SUPT6H: variants seen among roughly 807,000 people sequenced by gnomAD.
SUPT6H encodes transcription elongation factor SPT6.
SUPT6H carries 11 observed loss-of-function variants against 222.3 expected under a neutral mutation model. That is an observed-to-expected ratio of 0.05 (90% confidence interval 0.03 to 0.08). SUPT6H has a LOEUF of 0.08. Among genes scored for constraint, SUPT6H ranks in the 10% least tolerant of loss-of-function variants. The pLI, the probability that SUPT6H is intolerant of heterozygous loss-of-function variation, is 1.00. For missense variants in SUPT6H, 1,422 were observed against 2,216.0 expected (o/e 0.64, Z 7.19); for synonymous variants, 762 against 801.2 (o/e 0.95, Z 0.83).
chr17:28,678,271 G>A, intron 9 of SUPT6H, 79 bp downstream of exon 9: 10 of 1,309,490 alleles, frequency 7.6e-6, no homozygotes, highest in Middle Eastern at 1.9e-4. Flanking sequence ...CCTAAATGAG[G>A]TGGGAGCCCC....
At chr17:28,697,470 A>G (rs2151663911) in intron 30 of SUPT6H, 150 bp from the exon 31 acceptor site, 1 of 649,220 alleles carries the variant, frequency 1.5e-6, no homozygotes, top group South Asian at 2.0e-5. Flanking sequence ...GTGAGCTAAT[A>G]TATCTGGACA....
intron 11 of SUPT6H, among the ~76,000 whole-genome samples, chr17:28,680,161 C>T (rs1319756390): frequency 6.7e-6 from 1 of 149,916 alleles, no homozygotes; most frequent in Admixed American, 6.7e-5. Context: ...AAAAAATTAG[C>T]TCGGTGTGGT....
At position 28,701,640 on chromosome 17, in the gene SUPT6H, G is replaced by C; in HGVS notation, c.*15G>C. The C allele has an allele frequency of 1.3e-6, 2 of 1,593,974 alleles. No homozygotes were observed. Among genetic ancestry groups the C allele is most frequent in the Non-Finnish European group, 1.7e-6 (2 of 1,166,608 alleles). ...TGGATCGGTAGGGGGCCTGCTCCTC[G>C]GACTCTGGTTACCTCTGAGGCTGGG... On this transcript the variant is annotated 3_prime_UTR_variant, in exon 37 of 37. Transcript: ENST00000314616.
In SUPT6H at chr17:28,686,384, C is replaced by A. The variant is rs2031380311; in HGVS notation, c.2533C>A (p.Pro845Thr). Residue 845 changes from proline (P) to threonine (T), a missense_variant, in exon 20 of 37, where the codon CCT becomes ACT. Pro to Thr is a conservative substitution (Grantham distance 38). Transcript: ENST00000314616. ...TLKKFLLNKK[P>T]HVVTVAGENR... ...AAAGAAATTTCTCCTGAATAAGAAG[C>A]CTCATGTAGTGACAGTTGCAGGAGA... 1 of 1,614,218 alleles carries A rather than the reference C, an allele frequency of 6.2e-7. No individual in the cohort carries two copies. The highest frequency in any genetic ancestry group is 8.5e-7 in the Non-Finnish European group (1 of 1,180,040).
chr17:28,672,212 C>G (rs574152652), intron 1 of SUPT6H, among the ~76,000 whole-genome samples: 1 of 152,294 alleles, frequency 6.6e-6, no homozygotes, highest in South Asian at 2.1e-4. Flanking sequence ...AAAGTTGGCA[C>G]TTATTGTTTC....
intron 9 of SUPT6H, 41 bp downstream of exon 9, chr17:28,678,233 A>G (rs574013846): frequency 4.5e-6 from 7 of 1,547,686 alleles, no homozygotes; most frequent in African/African-American, 4.1e-5. Context: ...TGAGAAATTT[A>G]GTTAGGGGAT....
At chr17:28,675,796 G>T (rs146435426) in intron 6 of SUPT6H, among the ~76,000 whole-genome samples, 1 of 152,096 alleles carries the variant, frequency 6.6e-6, no homozygotes, top group Non-Finnish European at 1.5e-5. Flanking sequence ...ATATATTTTT[G>T]TTGGAAGACA....
At chr17:28,689,333 C>G in intron 24 of SUPT6H, 21 bp from the exon 25 acceptor site, 3 of 1,613,128 alleles carry the variant, frequency 1.9e-6, no homozygotes, top group Non-Finnish European at 2.5e-6. Flanking sequence ...ATATCCTGTT[C>G]CTTTTCTGCC....
chr17:28,671,862 T>C (rs1043210359), intron 1 of SUPT6H, among the ~76,000 whole-genome samples: 2 of 152,204 alleles, frequency 1.3e-5, no homozygotes, highest in African/African-American at 2.4e-5. Context: ...GTTAAGAAAG[T>C]GATATTCAGG....
chr17:28,678,162 C>T lies in SUPT6H; in HGVS notation c.1086C>T (p.Ala362=). 1 of 1,607,754 alleles carries T rather than the reference C, an allele frequency of 6.2e-7. No homozygotes were observed. The highest frequency in any genetic ancestry group is 8.5e-7 in the Non-Finnish European group (1 of 1,178,476). The change falls in exon 9 of 37, where the codon GCC becomes GCT. Residue 362 remains alanine (A), a synonymous_variant. Transcript: ENST00000314616. ...GPSTIQKIKE[A]LGFMRNQHFE... is the part of the protein sequence containing the mutation. ...GCACAATTCAGAAGATCAAAGAGGC[C>T]CTGGGCTTCATGCGAAATCAGCATT...
chr17:28,673,542 A>G (rs369608990), intron 2 of SUPT6H, 32 bp downstream of exon 2: 5 of 1,491,494 alleles, frequency 3.4e-6, no homozygotes, highest in East Asian at 2.3e-5. Context: ...GCTTCTCCCC[A>G]CTATTGCTAA....
chr17:28,690,139 T>C lies in SUPT6H; in HGVS notation c.3400T>C (p.Tyr1134His). ...CATCCGGGCAGAGCTGAGCTGTCGATATAAGGACCTCCGGACAGCCTACCG... is the reference window on the plus strand; with the variant it reads ...CATCCGGGCAGAGCTGAGCTGTCGACATAAGGACCTCCGGACAGCCTACCG... ...YDIRAELSCR[Y>H]KDLRTAYRSP... is the part of the protein sequence containing the mutation. The change falls in exon 26 of 37, where the codon TAT becomes CAT. Residue 1134 changes from tyrosine (Y) to histidine (H), a missense_variant. This residue lies in a region of SUPT6H where 60 missense variants were observed against 96.7 expected (regional missense o/e 0.62). Coordinates refer to ENST00000314616, the MANE Select transcript of SUPT6H (RefSeq NM_003170.5). The C allele has an allele frequency of 1.9e-6, 3 of 1,613,730 alleles. No homozygotes were observed. Among genetic ancestry groups the C allele is most frequent in the South Asian group, 1.1e-5 (1 of 91,058 alleles).
intron 6 of SUPT6H, among the ~76,000 whole-genome samples, chr17:28,675,886 A>G (rs900176617): frequency 6.6e-6 from 1 of 152,240 alleles, no homozygotes; most frequent in African/African-American, 2.4e-5. Flanking sequence ...AGATGGGTCC[A>G]CTGAGCAAGA....
rs1312829905 is a variant in SUPT6H at position 28,697,651 on chromosome 17, G to A, written c.4241G>A (p.Arg1414His). 4 of 1,614,048 alleles carry A rather than the reference G, an allele frequency of 2.5e-6. No homozygotes were observed. The highest frequency in any genetic ancestry group is 1.3e-5 in the African/African-American group (1 of 74,914). Reference protein sequence around the residue: ...EFEDLDEIVARYVQPMASFAR... With the variant: ...EFEDLDEIVAHYVQPMASFAR... ...GAAGATTTGGATGAGATTGTTGCTCGCTATGTCCAGCCCATGGCATCCTTT... is the reference window on the plus strand; with the variant it reads ...GAAGATTTGGATGAGATTGTTGCTCACTATGTCCAGCCCATGGCATCCTTT... The change falls in exon 31 of 37, where the codon CGC becomes CAC. Residue 1414 changes from arginine (R) to histidine (H), a missense_variant. Arg to His is a conservative substitution (Grantham distance 29). Coordinates refer to ENST00000314616, the MANE Select transcript of SUPT6H (RefSeq NM_003170.5).
intron 29 of SUPT6H, among the ~76,000 whole-genome samples, chr17:28,696,295 T>TAA (rs1192284088): frequency 1.1e-5 from 1 of 90,424 alleles, no homozygotes; most frequent in Non-Finnish European, 2.2e-5. Flanking sequence ...AGACTCTGTC[T>TAA]CAAAAAAAAA....
At chr17:28,667,443 G>A (rs1354645195) in intron 1 of SUPT6H, among the ~76,000 whole-genome samples, 23 of 112,978 alleles carry the variant, frequency 2.0e-4, no homozygotes, top group South Asian at 1.9e-3. Context: ...ATATGTATGT[G>A]TGTGTGTATA....
chr17:28,687,297 T>C lies in SUPT6H; in HGVS notation c.2839-7T>C. The C allele has an allele frequency of 6.2e-7, 1 of 1,614,142 alleles. No individual in the cohort carries two copies. The highest frequency in any genetic ancestry group is 8.5e-7 in the Non-Finnish European group (1 of 1,180,008). On this transcript the variant is annotated splice_polypyrimidine_tract_variant and splice_region_variant and intron_variant, in intron 22 of 36. Coordinates refer to ENST00000314616, the MANE Select transcript of SUPT6H (RefSeq NM_003170.5). ...TAACCTTACTCCTGCCTGCTGAATG[T>C]CCACAGGAGCATGTGGTGAAAGAGG...
Position 28,678,069 on chromosome 17 carries a change from A to G in SUPT6H, c.1000-7A>G, listed in dbSNP as rs372369723. The G allele has an allele frequency of 1.2e-5, 19 of 1,611,712 alleles. No individual in the cohort carries two copies. The African/African-American group carries it at 1.9e-4, about 16-fold the overall frequency. Reference sequence around the variant, plus strand: ...TGTCTTGCTATTTCTTTATTTTCCTACTGTAGGAAAGCTGTGATTACCTAG... The same window carrying G: ...TGTCTTGCTATTTCTTTATTTTCCTGCTGTAGGAAAGCTGTGATTACCTAG... On this transcript the variant is annotated splice_polypyrimidine_tract_variant and splice_region_variant and intron_variant, in intron 8 of 36. Coordinates refer to ENST00000314616, the MANE Select transcript of SUPT6H (RefSeq NM_003170.5).
chr17:28,674,260 C>A, intron 2 of SUPT6H, 23 bp from the exon 3 acceptor site: 2 of 1,613,672 alleles, frequency 1.2e-6, no homozygotes, highest in South Asian at 2.2e-5. Context: ...AGTCTCCATG[C>A]CTCAAACATG....
Sources: gnomAD v4.1 joint callset for allele counts (sites outside exome capture counted in the v4.1 genomes callset) on GRCh38, gnomAD v4.1.1 for gene constraint, gnomAD v4.1.1 regional missense constraint, MANE v1.5 for transcripts, NCBI Gene and HGNC (gene_info 2026-07-23, HGNC 2026-07-21) for gene names.